The following ELAVL2 variants were observed in gnomAD, a reference collection of about 807,000 sequenced individuals.
ELAVL2 encodes the protein ELAV like RNA binding protein 2.
A neutral mutation model predicts 34.6 loss-of-function variants in ELAVL2; 4 were observed. The observed-to-expected ratio is 0.12, with a 90% CI of 0.06 to 0.26. ELAVL2 has a LOEUF of 0.26. ELAVL2 is among the 10% of genes least tolerant of loss of function. ELAVL2 has a pLI of 1.00. For missense variants in ELAVL2, 432 were observed against 442.8 expected (o/e 0.98, Z 0.22); for synonymous variants, 193 against 154.8 (o/e 1.25, Z -1.83).
At position 23,692,760 on chromosome 9, in the gene ELAVL2, A is replaced by G; in HGVS notation, c.877T>C (p.Trp293Arg). The change falls in exon 7 of 7, where the codon TGG (tryptophan) becomes CGG (arginine). Residue 293 changes from tryptophan (W) to arginine (R), a missense_variant. Physicochemically the swap from Trp to Arg is moderately radical, Grantham distance 101. Around this residue, in one of 3 missense-constraint regions of ELAVL2, gnomAD observed 295 missense variants for 306.1 expected, o/e 0.96. Transcript: ENST00000397312. Reference protein sequence around the residue: ...LAPDADESILWQMFGPFGAVT... With the variant: ...LAPDADESILRQMFGPFGAVT... ...GCTCCAAAAGGCCCAAACATTTGCC[A>G]CAGGATACTCTCATCTGCGTCAGGA... 1 of 1,614,192 alleles carries G rather than the reference A, an allele frequency of 6.2e-7. No homozygotes were observed. The highest frequency in any genetic ancestry group is 8.5e-7 in the Non-Finnish European group (1 of 1,180,008).
Position 23,701,550 on chromosome 9 carries a change from T to G in ELAVL2, c.542A>C (p.Glu181Ala). Reference protein sequence around the residue: ...IRFDKRIEAEEAIKGLNGQKP... With the variant: ...IRFDKRIEAEAAIKGLNGQKP... ...CTGGCCATTTAGGCCTTTGATAGCT[T>G]CTTCTGCCTCAATTCGCTTGTCAAA... Residue 181 changes from glutamate to alanine, a missense_variant, in exon 5 of 7, where the codon GAA becomes GCA. Transcript: ENST00000397312. 3 of 1,614,118 alleles carry G rather than the reference T, an allele frequency of 1.9e-6. No individual in the cohort carries two copies. The highest frequency in any genetic ancestry group is 2.5e-6 in the Non-Finnish European group (3 of 1,179,998).
chr9:23,716,561 G>C (rs2042356695), intron 3 of ELAVL2, among the ~76,000 whole-genome samples: 1 of 152,188 alleles, frequency 6.6e-6, no homozygotes, highest in South Asian at 2.1e-4. Context: ...AGCACACAGA[G>C]CAGGTCTTCA....
chr9:23,792,022 T>G (rs1261831997), intron 1 of ELAVL2, among the ~76,000 whole-genome samples: 2 of 152,206 alleles, frequency 1.3e-5, no homozygotes, highest in Admixed American at 6.5e-5. Context: ...TAACAGTTTC[T>G]AAACTTTGTA....
chr9:23,736,704 G>A (rs946464023), intron 2 of ELAVL2, among the ~76,000 whole-genome samples: 1 of 152,074 alleles, frequency 6.6e-6, no homozygotes, highest in Non-Finnish European at 1.5e-5. Context: ...TATTATTCTG[G>A]CCCTGATCAC....
chr9:23,805,967 T>C (rs1564540073), intron 1 of ELAVL2, among the ~76,000 whole-genome samples: 1 of 152,126 alleles, frequency 6.6e-6, no homozygotes, highest in Non-Finnish European at 1.5e-5. Flanking sequence ...GTATATTTTT[T>C]TCTGGGTGGT....
intron 1 of ELAVL2, among the ~76,000 whole-genome samples, chr9:23,784,667 C>T (rs772532507): frequency 1.3e-5 from 2 of 152,152 alleles, no homozygotes; most frequent in African/African-American, 2.4e-5. Flanking sequence ...TCAACCATTC[C>T]TTTTTATCAA....
chr9:23,755,459 T>G (rs1244626358), intron 2 of ELAVL2, among the ~76,000 whole-genome samples: 1 of 152,140 alleles, frequency 6.6e-6, no homozygotes, highest in South Asian at 2.1e-4. Context: ...ATTTTTTAAA[T>G]GACTGCAAGA....
At chr9:23,703,172 T>A (rs901331143) in intron 4 of ELAVL2, among the ~76,000 whole-genome samples, 2 of 152,100 alleles carry the variant, frequency 1.3e-5, no homozygotes, top group African/African-American at 2.4e-5. Context: ...AACCGCTGAC[T>A]AAAACAAGCT....
chr9:23,703,102 T>G (rs1315962101), intron 4 of ELAVL2, among the ~76,000 whole-genome samples: 1 of 151,994 alleles, frequency 6.6e-6, no homozygotes, highest in African/African-American at 2.4e-5. Flanking sequence ...GCCCAATAAT[T>G]TGCATTTTTA....
At chr9:23,734,443 G>A (rs1564158531) in intron 2 of ELAVL2, among the ~76,000 whole-genome samples, 1 of 152,170 alleles carries the variant, frequency 6.6e-6, no homozygotes, top group African/African-American at 2.4e-5. Flanking sequence ...AAAAGGCAGG[G>A]AGGAAGTAGT....
At chr9:23,837,181 G>A in the ELAVL2 span, among the ~76,000 whole-genome samples, 5 of 152,130 alleles carry the variant, frequency 3.3e-5, no homozygotes, top group East Asian at 3.9e-4. Flanking sequence ...ATGAGCCCAC[G>A]GAAGCTGTGA....
intron 1 of ELAVL2, among the ~76,000 whole-genome samples, chr9:23,771,421 A>G (rs752661174): frequency 2.0e-5 from 3 of 151,982 alleles, no homozygotes; most frequent in Non-Finnish European, 4.4e-5. Context: ...ATAAGGATAT[A>G]TATATAAATC....
At chr9:23,774,232 A>AG (rs2057822851) in intron 1 of ELAVL2, among the ~76,000 whole-genome samples, 2 of 147,070 alleles carry the variant, frequency 1.4e-5, no homozygotes, top group African/African-American at 5.3e-5. Flanking sequence ...AAAAAAAAAA[A>AG]AAAAAAGAAA....
At chr9:23,821,930 C>G (rs1226837461) in intron 1 of ELAVL2, 1 of 151,370 alleles carries the variant, frequency 6.6e-6, no homozygotes, top group Admixed American at 6.6e-5. Context: ...GCGGCCGCCG[C>G]CGGCGCGTGC....
chr9:23,753,399 C>T lies in ELAVL2; in HGVS notation c.229+8607G>A, dbSNP rs561294736. On this transcript the variant is annotated intron_variant, in intron 2 of 6. Transcript: ENST00000397312. Reference sequence around the variant, plus strand: ...CAACAGGTACAGAATAAAAGTGCTTCGGTCTATTCTGAATTTAAACAAAGT... The same window carrying T: ...CAACAGGTACAGAATAAAAGTGCTTTGGTCTATTCTGAATTTAAACAAAGT... 6.6e-5 allele frequency among the ~76,000 whole-genome samples: 10 copies of T among 151,858 alleles called. No homozygotes were observed. In the South Asian group the frequency reaches 1.5e-3, roughly 22 times the overall value.
intron 5 of ELAVL2, among the ~76,000 whole-genome samples, chr9:23,698,598 G>A (rs980081783): frequency 6.6e-6 from 1 of 152,142 alleles, no homozygotes; most frequent in African/African-American, 2.4e-5. Flanking sequence ...CTGCTGAAAG[G>A]TGACAAAAAC....
At chr9:23,700,543 C>T (rs564053254) in intron 5 of ELAVL2, among the ~76,000 whole-genome samples, 1 of 152,200 alleles carries the variant, frequency 6.6e-6, no homozygotes, top group African/African-American at 2.4e-5. Context: ...CAGTAAATTA[C>T]AACCGACAGG....
chr9:23,713,657 C>T (rs2041589382), intron 3 of ELAVL2, among the ~76,000 whole-genome samples: 1 of 152,164 alleles, frequency 6.6e-6, no homozygotes, highest in Non-Finnish European at 1.5e-5. Context: ...TATTTAGCCA[C>T]ATAATATTTA....
At chr9:23,800,470 C>A (rs2061450168) in intron 1 of ELAVL2, among the ~76,000 whole-genome samples, 1 of 152,178 alleles carries the variant, frequency 6.6e-6, no homozygotes, top group South Asian at 2.1e-4. Flanking sequence ...AAGGACCTCA[C>A]AAGCTGCAGA....
Sources: gnomAD v4.1 joint callset for allele counts (sites outside exome capture counted in the v4.1 genomes callset) on GRCh38, gnomAD v4.1.1 for gene constraint, gnomAD v4.1.1 regional missense constraint, MANE v1.5 for transcripts, NCBI Gene and HGNC (gene_info 2026-07-23, HGNC 2026-07-21) for gene names.